TBC1D9B: variants seen among roughly 807,000 people sequenced by gnomAD.
TBC1D9B encodes TBC1 domain family, member 9B (with GRAM domain).
A neutral mutation model predicts 121.1 loss-of-function variants in TBC1D9B; 87 were observed. The observed-to-expected ratio is 0.72, with a 90% CI of 0.60 to 0.86. TBC1D9B has a LOEUF of 0.86. TBC1D9B is among the 40% of genes least tolerant of loss of function. The probability of loss-of-function intolerance (pLI) is 0.00; values close to 1 mark genes in which losing one functional copy is unlikely to be tolerated. For synonymous variants in TBC1D9B, 668 were observed against 670.1 expected, an observed-to-expected ratio of 1.00 and a Z score of 0.05; for missense variants, 1,540 against 1,628.6, an observed-to-expected ratio of 0.95 and a Z score of 0.94.
At chr5:179,882,150 G>C (rs1336947055) in intron 7 of TBC1D9B, among the ~76,000 whole-genome samples, 1 of 151,956 alleles carries the variant, frequency 6.6e-6, no homozygotes, top group Admixed American at 6.6e-5. Flanking sequence ...TCACCATATT[G>C]GCCAGGCTGG....
intron 20 of TBC1D9B, among the ~76,000 whole-genome samples, chr5:179,864,588 G>T (rs1015417302): frequency 1.3e-5 from 2 of 152,032 alleles, no homozygotes; most frequent in African/African-American, 4.8e-5. Context: ...GGGGATCCTG[G>T]GGAGGGGGGT....
rs77216031 is a variant in TBC1D9B, at chr5:179,899,362, C to T, written c.230-55G>A. 9.5e-3 allele frequency: 14,059 copies of T among 1,474,248 alleles called. 1,067 individuals carry two copies. In the African/African-American group the frequency reaches 0.17, roughly 18 times the overall value. 91.3% of individuals were successfully genotyped at this position (1,474,248 alleles called of 1,614,324 possible). On this transcript the variant is annotated intron_variant, in intron 2 of 20. Coordinates refer to ENST00000355235, the MANE Select transcript of TBC1D9B (RefSeq NM_015043.4). Reference sequence around the variant, plus strand: ...AATCATGAATTCCCCAGGCCTTAAACGCACATTCAAAGAAGCGAGATGAAA... The same window carrying T: ...AATCATGAATTCCCCAGGCCTTAAATGCACATTCAAAGAAGCGAGATGAAA...
chr5:179,894,083 G>GA (rs1760948134), intron 4 of TBC1D9B, among the ~76,000 whole-genome samples: 1 of 152,174 alleles, frequency 6.6e-6, no homozygotes, highest in Admixed American at 6.5e-5. Context: ...GCATGACATG[G>GA]AATCACCAGG....
In TBC1D9B at chr5:179,878,301, C is replaced by T. The variant is rs111390685; in HGVS notation, c.1782+8G>A. On this transcript the variant is annotated splice_region_variant and intron_variant, in intron 10 of 20. Coordinates refer to ENST00000355235, the MANE Select transcript of TBC1D9B (RefSeq NM_015043.4). ...ATGCTGTCTCTGGGCCCCTGTCAGG[C>T]CCCTTACCTGGCAGTAGCCGATGGT... is the stretch of plus-strand genomic sequence containing the variant. The T allele has an allele frequency of 1.5e-3, 2,456 of 1,608,344 alleles. 36 individuals are homozygous for T. In the African/African-American group the frequency reaches 0.029, roughly 19 times the overall value.
intron 9 of TBC1D9B, among the ~76,000 whole-genome samples, chr5:179,878,728 A>G (rs750861468): frequency 1.3e-5 from 2 of 152,182 alleles, no homozygotes; most frequent in Non-Finnish European, 2.9e-5. Context: ...TCTTCCAGCA[A>G]CCACGGGTGT....
Position 179,907,797 on chromosome 5 carries a change from G to T in TBC1D9B, c.25C>A (p.Leu9Met). 8.2e-7 allele frequency: 1 copy of T among 1,218,534 alleles called. No homozygotes were observed. 75.5% of individuals were successfully genotyped at this position (1,218,534 alleles called of 1,614,324 possible). A position where few individuals can be genotyped will look rare whatever the true frequency, so the allele number is the denominator to read the frequency against. The change falls in exon 1 of 21, where the codon CTG (leucine) becomes ATG (methionine). Residue 9 changes from leucine to methionine, a missense_variant. Leu to Met is a conservative substitution (Grantham distance 15). Coordinates refer to ENST00000355235, the MANE Select transcript of TBC1D9B (RefSeq NM_015043.4). This position sits in a 1 kb window ranked among gnomAD's most constrained non-coding sequence, Gnocchi z 5.3. MWLSPEEV[L>M]VANALWVTER... ...GTCACCCACAGCGCATTGGCCACCA[G>T]CACCTCCTCCGGGCTCAGCCACATC... is the stretch of plus-strand genomic sequence containing the variant.
intron 2 of TBC1D9B, among the ~76,000 whole-genome samples, chr5:179,900,087 G>A (rs2113648247): frequency 6.6e-6 from 1 of 152,262 alleles, no homozygotes; most frequent in South Asian, 2.1e-4. Flanking sequence ...GGGCGTGGTG[G>A]CATGCACCTG....
At position 179,885,593 on chromosome 5, in the gene TBC1D9B, C is replaced by G. The variant is rs552721653; in HGVS notation, c.1254+2510G>C. The stretch of plus-strand genomic sequence containing the variant: ...GACAGAGCAAGACTCTGTCCCCCCC[C>G]CAAAAAAAAAAAGATGGAGGTATTT... On this transcript the variant is annotated intron_variant, in intron 7 of 20. Coordinates refer to ENST00000355235, the MANE Select transcript of TBC1D9B (RefSeq NM_015043.4). The surrounding 1 kb of genome is among the most constrained non-coding windows in gnomAD (Gnocchi z 4.5). Among the ~76,000 whole-genome samples, 39 of 123,856 alleles carry G rather than the reference C, an allele frequency of 3.1e-4. No homozygotes were observed. The highest frequency in any genetic ancestry group is 8.2e-4 in the East Asian group (2 of 2,438). 81.3% of individuals were successfully genotyped at this position (123,856 alleles called of 152,430 possible).
At position 179,894,489 on chromosome 5, in the gene TBC1D9B, A is replaced by C. The variant is rs1402039587; in HGVS notation, c.474T>G (p.Asn158Lys). The stretch of plus-strand genomic sequence containing the variant: ...CCTTCCAGTAGCTGCAGGAGTAGTA[A>C]TTCACCAGCTTCTCGCCCTCAGGCA... ...FGMPEGEKLV[N>K]YYSCSYWKGR... is the part of the protein sequence containing the mutation. Residue 158 changes from asparagine to lysine, a missense_variant, in exon 4 of 21, where the codon AAT becomes AAG. Asn to Lys is a moderately conservative substitution (Grantham distance 94, BLOSUM62 0). Coordinates refer to ENST00000355235, the MANE Select transcript of TBC1D9B (RefSeq NM_015043.4). 2 of 1,614,058 alleles carry C rather than the reference A, an allele frequency of 1.2e-6. No homozygotes were observed. The highest frequency in any genetic ancestry group is 2.7e-5 in the African/African-American group (2 of 74,924).
Position 179,863,306 on chromosome 5 carries a change from T to G in TBC1D9B, c.*142A>C. ...TAAGGCAGCTGGGTCTGCACCAGCC[T>G]TCTTTCCACTCACAACTCACTGCTC... On this transcript the variant is annotated 3_prime_UTR_variant, in exon 21 of 21. Transcript: ENST00000355235. The surrounding 1 kb of genome is among the most constrained non-coding windows in gnomAD (Gnocchi z 4.5). 2.0e-6 allele frequency: 2 copies of G among 994,390 alleles called. No homozygotes were observed. The highest frequency in any genetic ancestry group is 1.7e-5 in the South Asian group (1 of 58,652). The allele number at this position is 994,390 out of a possible 1,614,324, so 61.6% of individuals were successfully genotyped here.
At chr5:179,871,043 T>C (rs1440434386) in intron 15 of TBC1D9B, among the ~76,000 whole-genome samples, 2 of 152,196 alleles carry the variant, frequency 1.3e-5, no homozygotes, top group African/African-American at 2.4e-5. Flanking sequence ...GAAGAGAGTA[T>C]GACCCTGGAG....
rs1265978295 is a variant in TBC1D9B at position 179,894,549 on chromosome 5, C to T, written c.414G>A (p.Lys138=). ...GCTTCCGCATCTTCAGCTCAGCCTC[C>T]TTGAACTTCCCGGGGTCCTCGTCTC... ...PQGDEDPGKF[K]EAELKMRKQF... is the part of the protein sequence containing the mutation. The change falls in exon 4 of 21, where the codon AAG becomes AAA. Residue 138 remains lysine, a synonymous_variant. Coordinates refer to ENST00000355235, the MANE Select transcript of TBC1D9B (RefSeq NM_015043.4). The T allele has an allele frequency of 2.5e-6, 4 of 1,614,244 alleles. No individual in the cohort carries two copies. The South Asian group carries it at 3.3e-5, about 13-fold the overall frequency.
At chr5:179,900,759 G>A (rs147487141) in intron 2 of TBC1D9B, among the ~76,000 whole-genome samples, 3 of 152,202 alleles carry the variant, frequency 2.0e-5, no homozygotes, top group African/African-American at 4.8e-5. Context: ...GAAGCTGCTC[G>A]CATGCACGGA....
rs201596665 is a variant in TBC1D9B, at chr5:179,879,751, G to A, written c.1293C>T (p.Ala431=). ...GGCTGCTGAGGGGAGAGGCTGGGCT[G>A]GCGGGCTGCTCCGACCCCTCCTGAG... ...PAPQEGSEQP[A]SPASPLSSRQ... The change falls in exon 8 of 21, where the codon GCC becomes GCT. Residue 431 remains alanine, a synonymous_variant. Transcript: ENST00000355235. 4 of 1,613,900 alleles carry A rather than the reference G, an allele frequency of 2.5e-6. No individual in the cohort carries two copies. The highest frequency in any genetic ancestry group is 1.7e-5 in the Admixed American group (1 of 60,004).
chr5:179,875,856 G>GCCACC lies in TBC1D9B; in HGVS notation c.1900+59_1900+63dup, dbSNP rs1760343007. On this transcript the variant is annotated intron_variant, in intron 11 of 20. Transcript: ENST00000355235. The surrounding 1 kb of genome is among the most constrained non-coding windows in gnomAD (Gnocchi z 4.5). ...CCTGGAGCTTGGCCTGGGAAGGGCT[G>GCCACC]CCACCCTCATGGAACCAGCAGGCAC... 1 of 1,376,486 alleles carries GCCACC rather than the reference G, an allele frequency of 7.3e-7. No individual in the cohort carries two copies. The highest frequency in any genetic ancestry group is 2.4e-5 in the Admixed American group (1 of 42,526). The allele number at this position is 1,376,486 out of a possible 1,614,324, so 85.3% of individuals were successfully genotyped here.
chr5:179,864,118 A>G lies in TBC1D9B; in HGVS notation c.3032T>C (p.Ile1011Thr), dbSNP rs1209142187. The change falls in exon 21 of 21, where the codon ATT becomes ACT. Residue 1011 changes from isoleucine to threonine, a missense_variant. Coordinates refer to ENST00000355235, the MANE Select transcript of TBC1D9B (RefSeq NM_015043.4). ...DLPKMNQEQF[I>T]ELCKTLYNMF... ...GTTGTAAAGCGTCTTGCACAGCTCA[A>G]TGAACTGCTCCTTTTAGGGAGAAAA... 2.5e-6 allele frequency: 4 copies of G among 1,601,526 alleles called. No individual in the cohort carries two copies. The highest frequency in any genetic ancestry group is 2.2e-5 in the East Asian group (1 of 44,614).
intron 18 of TBC1D9B, chr5:179,866,827 C>G (rs1366653421): frequency 6.5e-6 from 1 of 152,720 alleles, no homozygotes; most frequent in Non-Finnish European, 1.5e-5. Context: ...ATTTTTGGTT[C>G]TCTTTTGAGT....
intron 2 of TBC1D9B, among the ~76,000 whole-genome samples, chr5:179,901,182 A>C (rs555752507): frequency 1.3e-5 from 2 of 152,286 alleles, no homozygotes; most frequent in Non-Finnish European, 2.9e-5. Context: ...GAGTCACAAA[A>C]GGCCCCCAGA....
intron 5 of TBC1D9B, 111 bp downstream of exon 5, chr5:179,893,098 G>A: frequency 6.9e-7 from 1 of 1,439,152 alleles, no homozygotes; most frequent in East Asian, 2.4e-5. Context: ...GCCCATGAGG[G>A]GTGAATGTGG....
Sources: allele counts gnomAD v4.1 joint callset (sites outside exome capture counted in the v4.1 genomes callset), GRCh38; gene constraint gnomAD v4.1.1; non-coding constraint Gnocchi (gnomAD v3.1); transcripts MANE v1.5; gene names NCBI Gene and HGNC (gene_info 2026-07-23, HGNC 2026-07-21).